AGMO: variants seen among roughly 807,000 people sequenced by gnomAD.
AGMO encodes the protein glyceryl-ether monooxygenase.
A neutral mutation model predicts 60.2 loss-of-function variants in AGMO; 75 were observed. That is an observed-to-expected ratio of 1.25 (90% CI 1.03 to 1.51). AGMO has a LOEUF of 1.51. AGMO is among the 40% of genes most tolerant of loss of function. The pLI, the probability that AGMO is intolerant of heterozygous loss-of-function variation, is 0.00. For synonymous variants in AGMO, 261 were observed against 177.1 expected (o/e 1.47, Z -3.76); for missense variants, 763 against 525.5 (o/e 1.45, Z -4.42).
At chr7:15,390,058 C>CCAGGAGTAT (rs1198528502) in intron 8 of AGMO, among the ~76,000 whole-genome samples, 1 of 151,968 alleles carries the variant, frequency 6.6e-6, no homozygotes, top group Non-Finnish European at 1.5e-5. Flanking sequence ...GTGCCTAACC[C>CCAGGAGTAT]CAGGAGTATT....
At position 15,544,865 on chromosome 7, in the gene AGMO, G is replaced by C. The variant is rs1562565035; in HGVS notation, c.316C>G (p.Leu106Val). ...GGAGAATCCCAAGGCAAATTGAACA[G>C]CCTGTAGTTCTCCCAGATATAAATA... ...SYIYIWENYRLFNLPWDSPWT... is the reference protein window; with the variant it reads ...SYIYIWENYRVFNLPWDSPWT... The change falls in exon 3 of 13, where the codon CTG (leucine) becomes GTG (valine). Residue 106 changes from leucine (L) to valine (V), a missense_variant. By Grantham distance (32) the Leu-to-Val change is conservative. Coordinates refer to ENST00000342526, the MANE Select transcript of AGMO (RefSeq NM_001004320.2). 1 of 1,603,676 alleles carries C rather than the reference G, an allele frequency of 6.2e-7. No homozygotes were observed. The highest frequency in any genetic ancestry group is 8.5e-7 in the Non-Finnish European group (1 of 1,174,272).
chr7:15,124,917 G>A, the AGMO span, among the ~76,000 whole-genome samples: 1 of 152,002 alleles, frequency 6.6e-6, no homozygotes, highest in Non-Finnish European at 1.5e-5. Flanking sequence ...CTAGAACATA[G>A]TCTAATGGCT....
At chr7:15,430,918 G>GTTTTTTTTTTTTT in intron 4 of AGMO, 87 bp downstream of exon 4, 1 of 394,274 alleles carries the variant, frequency 2.5e-6, no homozygotes, top group Non-Finnish European at 4.2e-6. Context: ...CCTTCTATTA[G>GTTTTTTTTTTTTT]TTTTTTTTTT....
intron 3 of AGMO, among the ~76,000 whole-genome samples, chr7:15,455,163 GTAAATAAGT>G (rs1781968591): frequency 6.7e-6 from 1 of 149,518 alleles, no homozygotes; most frequent in African/African-American, 2.5e-5. Context: ...ATTATTTTTG[GTAAATAAGT>G]ATGAAATGTA....
intron 4 of AGMO, among the ~76,000 whole-genome samples, chr7:15,421,246 T>C (rs1039917695): frequency 3.9e-5 from 6 of 152,052 alleles, no homozygotes; most frequent in African/African-American, 1.4e-4. Context: ...TGTGAGCCTG[T>C]GTGCGTGGGA....
chr7:15,496,889 G>C (rs775415271), intron 3 of AGMO, among the ~76,000 whole-genome samples: 1 of 152,014 alleles, frequency 6.6e-6, no homozygotes, highest in East Asian at 1.9e-4. Context: ...CCAACCAGCC[G>C]AAACCTCTGA....
At chr7:15,336,174 A>C (rs1041482527) in intron 12 of AGMO, among the ~76,000 whole-genome samples, 4 of 152,138 alleles carry the variant, frequency 2.6e-5, no homozygotes. Flanking sequence ...TCTACAGGTC[A>C]TCTCTTCTAA....
In AGMO at chr7:15,521,325, G is replaced by A. The variant is rs538215169; in HGVS notation, c.409+23447C>T. The stretch of plus-strand genomic sequence containing the variant: ...CTATTCCGAGCAACAGAAAAAGAAG[G>A]AATCCTCCCTAACTCTTTTTATGAG... On this transcript the variant is annotated intron_variant, in intron 3 of 12. Transcript: ENST00000342526. Among the ~76,000 whole-genome samples the A allele has an allele frequency of 2.6e-3, 393 of 152,210 alleles. 2 individuals carry two copies. Among genetic ancestry groups the A allele is most frequent in the African/African-American group, 9.0e-3 (373 of 41,518 alleles).
At chr7:15,132,053 C>T in the AGMO span, among the ~76,000 whole-genome samples, 1 of 152,032 alleles carries the variant, frequency 6.6e-6, no homozygotes, top group South Asian at 2.1e-4. Context: ...TACAGGCCAG[C>T]CTTCTGAGGC....
intron 2 of AGMO, among the ~76,000 whole-genome samples, chr7:15,545,606 C>T (rs921960135): frequency 8.4e-4 from 128 of 152,014 alleles, no homozygotes; most frequent in African/African-American, 2.7e-3. Flanking sequence ...AAAAATATTT[C>T]CTTCGAAGTA....
intron 3 of AGMO, among the ~76,000 whole-genome samples, chr7:15,499,531 C>A (rs141577329): frequency 6.6e-6 from 1 of 151,854 alleles, no homozygotes; most frequent in African/African-American, 2.4e-5. Flanking sequence ...AACTGGCACT[C>A]TCATGCAATG....
At chr7:15,496,143 T>C (rs1783227194) in intron 3 of AGMO, among the ~76,000 whole-genome samples, 1 of 152,112 alleles carries the variant, frequency 6.6e-6, no homozygotes, top group African/African-American at 2.4e-5. Context: ...GCATCACCCC[T>C]CTCATGGAGA....
intron 10 of AGMO, among the ~76,000 whole-genome samples, chr7:15,374,813 A>C (rs1420406337): frequency 6.6e-6 from 1 of 152,090 alleles, no homozygotes; most frequent in East Asian, 1.9e-4. Flanking sequence ...GAAACCAAGA[A>C]GGCTAGCATT....
chr7:15,551,483 A>T (rs1784958815), intron 2 of AGMO, among the ~76,000 whole-genome samples: 2 of 149,504 alleles, frequency 1.3e-5, no homozygotes, highest in African/African-American at 2.5e-5. Flanking sequence ...CAGGATACAA[A>T]ATCAATGTGC....
intron 12 of AGMO, among the ~76,000 whole-genome samples, chr7:15,349,432 T>C (rs576636988): frequency 4.9e-4 from 74 of 152,222 alleles, no homozygotes; most frequent in Non-Finnish European, 2.1e-4. Flanking sequence ...GGCATGGTGG[T>C]GATTACATGC....
chr7:15,309,434 G>A (rs1780703572), intron 12 of AGMO, among the ~76,000 whole-genome samples: 1 of 152,078 alleles, frequency 6.6e-6, no homozygotes, highest in Admixed American at 6.6e-5. Context: ...AACTTTCTGG[G>A]TGGGATAAAA....
chr7:15,501,597 G>T (rs946656237), intron 3 of AGMO, among the ~76,000 whole-genome samples: 1 of 151,918 alleles, frequency 6.6e-6, no homozygotes, highest in Non-Finnish European at 1.5e-5. Flanking sequence ...AAGATGAGAG[G>T]TGAAATAAAA....
At chr7:15,447,613 C>T (rs577780119) in intron 3 of AGMO, among the ~76,000 whole-genome samples, 6 of 151,942 alleles carry the variant, frequency 3.9e-5, no homozygotes, top group African/African-American at 4.8e-5. Context: ...TGCAGTGGCA[C>T]GATCTTGGCT....
intron 5 of AGMO, among the ~76,000 whole-genome samples, chr7:15,411,293 T>C (rs773530849): frequency 1.3e-5 from 2 of 152,018 alleles, no homozygotes; most frequent in Non-Finnish European, 2.9e-5. Flanking sequence ...TGTGGTATTC[T>C]GTTATTGCAA....
Sources: allele counts gnomAD v4.1 joint callset (sites outside exome capture counted in the v4.1 genomes callset), GRCh38; gene constraint gnomAD v4.1.1; transcripts MANE v1.5; gene names NCBI Gene and HGNC (gene_info 2026-07-23, HGNC 2026-07-21).